Variants in LONRF2 observed in about 807,000 individuals in gnomAD.
LONRF2 encodes LON peptidase N-terminal domain and RING finger protein 2.
A neutral mutation model predicts 66.6 loss-of-function variants in LONRF2; 35 were observed. The observed-to-expected ratio is 0.53, with a 90% CI of 0.40 to 0.70. The LOEUF (loss-of-function observed/expected upper bound fraction) is 0.70. Ranked by LOEUF, LONRF2 falls within the 30% of genes least tolerant of loss-of-function variation. LONRF2 has a pLI of 0.00. For missense variants in LONRF2, 902 were observed against 1,002.1 expected, an observed-to-expected ratio of 0.90 and a Z score of 1.35; for synonymous variants, 417 against 418.1, an observed-to-expected ratio of 1.00 and a Z score of 0.03.
chr2:100,286,058 G>T (rs532916963), intron 11 of LONRF2, among the ~76,000 whole-genome samples: 4 of 152,074 alleles, frequency 2.6e-5, no homozygotes, highest in Non-Finnish European at 5.9e-5. Flanking sequence ...ATGCAAAAAG[G>T]GCAAGCCAGG....
chr2:100,287,112 C>G, intron 10 of LONRF2, 49 bp from the exon 11 acceptor site: 1 of 1,558,878 alleles, frequency 6.4e-7, no homozygotes, highest in Non-Finnish European at 8.7e-7. Context: ...CAGTAATGCA[C>G]GTAACACAGT....
chr2:100,304,154 T>C (rs1303541204), intron 2 of LONRF2, among the ~76,000 whole-genome samples: 1 of 31,956 alleles, frequency 3.1e-5, no homozygotes, highest in Non-Finnish European at 5.8e-5. Flanking sequence ...TAGAATTTCC[T>C]TTTTTTTTCT....
At chr2:100,292,840 T>G (rs1674989314) in intron 9 of LONRF2, among the ~76,000 whole-genome samples, 1 of 152,234 alleles carries the variant, frequency 6.6e-6, no homozygotes, top group African/African-American at 2.4e-5. Context: ...ATGTGTTATT[T>G]TTTTATTTAT....
Position 100,276,358 on chromosome 2 carries a change from A to T in LONRF2, c.*7940T>A, listed in dbSNP as rs933686892. 6.6e-6 allele frequency: 1 copy of T among 152,200 alleles called. No individual in the cohort carries two copies. The highest frequency in any genetic ancestry group is 2.4e-5 in the African/African-American group (1 of 41,452). The allele number at this position is 152,200 out of a possible 1,614,324, so 9.4% of individuals were successfully genotyped here. Reference sequence around the variant, plus strand: ...AAAATGGGGGGTGGATGGGTAAGGTATGCTTCACTTTAACTGTAGCCTGTC... The same window carrying T: ...AAAATGGGGGGTGGATGGGTAAGGTTTGCTTCACTTTAACTGTAGCCTGTC... On this transcript the variant is annotated 3_prime_UTR_variant, in exon 12 of 12. Transcript: ENST00000393437.
chr2:100,319,120 T>TAAAA (rs10658854), intron 1 of LONRF2, among the ~76,000 whole-genome samples: 15 of 140,454 alleles, frequency 1.1e-4, no homozygotes, highest in Admixed American at 2.8e-4. Context: ...GACTCCGTCT[T>TAAAA]AAAAAAAAAA....
At chr2:100,300,825 A>G in intron 3 of LONRF2, 38 bp from the exon 4 acceptor site, 1 of 1,484,042 alleles carries the variant, frequency 6.7e-7, no homozygotes, top group Non-Finnish European at 9.0e-7. Flanking sequence ...TATATATTTT[A>G]AAACACTTTT....
intron 1 of LONRF2, among the ~76,000 whole-genome samples, chr2:100,319,168 T>C (rs1675573607): frequency 6.6e-6 from 1 of 151,932 alleles, no homozygotes; most frequent in African/African-American, 2.4e-5. Context: ...CAGGTATTTC[T>C]GATTCCAAAC....
At position 100,283,639 on chromosome 2, in the gene LONRF2, T is replaced by C. The variant is rs891976254; in HGVS notation, c.*659A>G. 1 of 152,346 alleles carries C rather than the reference T, an allele frequency of 6.6e-6. No homozygotes were observed. Among genetic ancestry groups the C allele is most frequent in the African/African-American group, 2.4e-5 (1 of 41,572 alleles). 9.4% of individuals were successfully genotyped at this position (152,346 alleles called of 1,614,324 possible). On this transcript the variant is annotated 3_prime_UTR_variant, in exon 12 of 12. Transcript: ENST00000393437. ...CTCAGGTTTTTCTATATCCAAGGTA[T>C]ACTTTCTTATGTTTTGACATTCGTT...
At chr2:100,307,216 G>C (rs1227912468) in intron 2 of LONRF2, among the ~76,000 whole-genome samples, 1 of 152,068 alleles carries the variant, frequency 6.6e-6, no homozygotes, top group South Asian at 2.1e-4. Context: ...CACCGCGCCC[G>C]GCCTAAACTT....
chr2:100,307,942 C>T (rs892457376), intron 2 of LONRF2, among the ~76,000 whole-genome samples: 2 of 151,332 alleles, frequency 1.3e-5, no homozygotes, highest in African/African-American at 4.9e-5. Context: ...GGAGTCTAAA[C>T]TTTTTTTTTA....
At position 100,284,237 on chromosome 2, in the gene LONRF2, C is replaced by A; in HGVS notation, c.*61G>T. On this transcript the variant is annotated 3_prime_UTR_variant, in exon 12 of 12. Transcript: ENST00000393437. Reference sequence around the variant, plus strand: ...GAAGCACAATGAATGGACGGCTATTCGTCCATGCCTGACATTTATAAAAGC... The same window carrying A: ...GAAGCACAATGAATGGACGGCTATTAGTCCATGCCTGACATTTATAAAAGC... 2.2e-6 allele frequency: 3 copies of A among 1,393,636 alleles called. No individual in the cohort carries two copies. Among genetic ancestry groups the A allele is most frequent in the Non-Finnish European group, 2.8e-6 (3 of 1,052,714 alleles). The allele number at this position is 1,393,636 out of a possible 1,614,324, so 86.3% of individuals were successfully genotyped here. A position where few individuals can be genotyped will look rare whatever the true frequency, so the allele number is the denominator to read the frequency against.
chr2:100,316,311 T>C (rs1675504577), intron 1 of LONRF2, among the ~76,000 whole-genome samples: 1 of 71,338 alleles, frequency 1.4e-5, no homozygotes, highest in Non-Finnish European at 2.2e-5. Context: ...AGAGCGAGAC[T>C]CCATCTCAAA....
In LONRF2 at chr2:100,319,117, T is replaced by C. The variant is rs1346813582; in HGVS notation, c.679+2298A>G. On this transcript the variant is annotated intron_variant, in intron 1 of 11. Transcript: ENST00000393437. ...AGCCTGGTGACAGAGCAAGACTCCGTCTTAAAAAAAAAAAAAAAAGTCAGA... is the reference window on the plus strand; with the variant it reads ...AGCCTGGTGACAGAGCAAGACTCCGCCTTAAAAAAAAAAAAAAAAGTCAGA... 7.0e-5 allele frequency among the ~76,000 whole-genome samples: 8 copies of C among 114,744 alleles called. 1 individual carries two copies. The South Asian group carries it at 1.7e-3, about 24-fold the overall frequency. 75.3% of individuals were successfully genotyped at this position (114,744 alleles called of 152,430 possible). A position where few individuals can be genotyped will look rare whatever the true frequency, so the allele number is the denominator to read the frequency against.
intron 3 of LONRF2, among the ~76,000 whole-genome samples, chr2:100,302,278 T>C (rs964106347): frequency 9.2e-5 from 14 of 152,218 alleles, no homozygotes; most frequent in Non-Finnish European, 1.6e-4. Flanking sequence ...GTTTGAATTG[T>C]ACAAGGAAGA....
chr2:100,303,588 A>T (rs1048603606), intron 2 of LONRF2, among the ~76,000 whole-genome samples: 1 of 152,206 alleles, frequency 6.6e-6, no homozygotes, highest in African/African-American at 2.4e-5. Flanking sequence ...TTACTGGTTT[A>T]CATATAGTTG....
intron 1 of LONRF2, among the ~76,000 whole-genome samples, chr2:100,314,073 G>A (rs916914219): frequency 3.3e-5 from 5 of 151,886 alleles, no homozygotes; most frequent in Non-Finnish European, 7.4e-5. Context: ...GAACATTCCT[G>A]TACACATATT....
chr2:100,309,925 G>A (rs1003790812), intron 1 of LONRF2, among the ~76,000 whole-genome samples: 4 of 152,030 alleles, frequency 2.6e-5, no homozygotes, highest in Middle Eastern at 3.2e-3. Flanking sequence ...CACCCACCTC[G>A]GCCTCCCAAA....
chr2:100,294,972 G>C (rs1308918202), intron 8 of LONRF2, among the ~76,000 whole-genome samples: 5 of 150,792 alleles, frequency 3.3e-5, no homozygotes, highest in Non-Finnish European at 5.9e-5. Flanking sequence ...TATATTATTT[G>C]CCTTTTATTT....
Position 100,273,322 on chromosome 2 carries a change from CCGTCAGT to C in LONRF2, c.*10969_*10975del, listed in dbSNP as rs1674534974. 6.6e-6 allele frequency: 1 copy of C among 152,214 alleles called. No homozygotes were observed. The highest frequency in any genetic ancestry group is 6.5e-5 in the Admixed American group (1 of 15,284). 9.4% of individuals were successfully genotyped at this position (152,214 alleles called of 1,614,324 possible). A position where few individuals can be genotyped will look rare whatever the true frequency, so the allele number is the denominator to read the frequency against. On this transcript the variant is annotated 3_prime_UTR_variant, in exon 12 of 12. Transcript: ENST00000393437. Reference sequence around the variant, plus strand: ...AAGAAAACTGATTTATTGTGAAAAGCCGTCAGTCTGTGGTGATGTGTTAGTACATCCC... The same window carrying C: ...AAGAAAACTGATTTATTGTGAAAAGCCTGTGGTGATGTGTTAGTACATCCC...
Sources: allele counts gnomAD v4.1 joint callset (sites outside exome capture counted in the v4.1 genomes callset), GRCh38; gene constraint gnomAD v4.1.1; transcripts MANE v1.5; gene names NCBI Gene and HGNC (gene_info 2026-07-23, HGNC 2026-07-21).